Variants in TNRC6B observed in about 807,000 individuals in gnomAD.
TNRC6B encodes trinucleotide repeat containing adaptor 6B, also known as trinucleotide repeat-containing gene 6B protein.
A neutral mutation model predicts 203.6 loss-of-function variants in TNRC6B; 52 were observed. The ratio of observed to expected loss-of-function variants is 0.26; its 90% confidence interval spans 0.20 to 0.32. TNRC6B has a LOEUF of 0.32. Among genes scored for constraint, TNRC6B ranks in the 10% least tolerant of loss-of-function variants. The pLI, the probability that TNRC6B is intolerant of heterozygous loss-of-function variation, is 1.00. For synonymous variants in TNRC6B, 838 were observed against 845.7 expected, an observed-to-expected ratio of 0.99 and a Z score of 0.16; for missense variants, 1,923 against 2,286.2, an observed-to-expected ratio of 0.84 and a Z score of 3.24.
At chr22:40,147,906 T>C (rs942470115) in intron 3 of TNRC6B, among the ~76,000 whole-genome samples, 1 of 152,216 alleles carries the variant, frequency 6.6e-6, no homozygotes, top group African/African-American at 2.4e-5. Flanking sequence ...GTGACTGCTG[T>C]TACGTAAGTA....
intron 1 of TNRC6B, among the ~76,000 whole-genome samples, chr22:40,202,268 T>G (rs867378610): frequency 1.3e-5 from 2 of 151,742 alleles, no homozygotes; most frequent in Non-Finnish European, 2.9e-5. Context: ...TTGTTTTTTT[T>G]TTTTTTGCCT....
chr22:40,224,535 G>A (rs751470153), intron 1 of TNRC6B, among the ~76,000 whole-genome samples: 1 of 152,174 alleles, frequency 6.6e-6, no homozygotes, highest in Non-Finnish European at 1.5e-5. Flanking sequence ...AATGACCTTG[G>A]TGGATTCTAT....
chr22:40,133,034 C>T (rs1211826831), intron 3 of TNRC6B, among the ~76,000 whole-genome samples: 1 of 143,542 alleles, frequency 7.0e-6, no homozygotes, highest in East Asian at 2.0e-4. Flanking sequence ...GCTTCATTGG[C>T]CTGATTCCCG....
rs990259861 is a variant in TNRC6B at position 40,281,020 on chromosome 22, C to A, written c.3412-99C>A. On this transcript the variant is annotated intron_variant, in intron 10 of 22. Transcript: ENST00000454349. Reference sequence around the variant, plus strand: ...CTTGGTTATTGCTAATACACTCTAACTTTGTTTATTGCTAGTGTTTCTCTC... The same window carrying A: ...CTTGGTTATTGCTAATACACTCTAAATTTGTTTATTGCTAGTGTTTCTCTC... 9 of 1,054,458 alleles carry A rather than the reference C, an allele frequency of 8.5e-6. No individual in the cohort carries two copies. In the African/African-American group the frequency reaches 1.1e-4, roughly 13 times the overall value. The allele number at this position is 1,054,458 out of a possible 1,614,324, so 65.3% of individuals were successfully genotyped here.
chr22:40,307,408 G>T (rs550521555), intron 15 of TNRC6B, among the ~76,000 whole-genome samples: 1 of 152,074 alleles, frequency 6.6e-6, no homozygotes, highest in Non-Finnish European at 1.5e-5. Context: ...GCCGCTCTGC[G>T]CTCCCTGTGG....
chr22:40,054,106 A>AGTCTCAGGAGGCTGCCTGTAGT (rs2067773034), intron 1 of TNRC6B, among the ~76,000 whole-genome samples: 1 of 152,118 alleles, frequency 6.6e-6, no homozygotes, highest in Non-Finnish European at 1.5e-5. Flanking sequence ...AGTCCCAGCT[A>AGTCTCAGGAGGCTGCCTGTAGT]CTCAGGAGGC....
At chr22:40,121,221 T>TCCTC (rs56693127) in intron 2 of TNRC6B, among the ~76,000 whole-genome samples, 37 of 151,834 alleles carry the variant, frequency 2.4e-4, no homozygotes, top group Admixed American at 8.5e-4. Context: ...CTCCTTTCCC[T>TCCTC]CCTCCCTCCC....
chr22:40,197,566 C>T (rs978895797), intron 1 of TNRC6B, among the ~76,000 whole-genome samples: 28 of 151,598 alleles, frequency 1.8e-4, no homozygotes, highest in Non-Finnish European at 3.4e-4. Flanking sequence ...AGATTACAAG[C>T]ATGAGCCACC....
At chr22:40,222,891 G>A (rs1386164681) in intron 1 of TNRC6B, among the ~76,000 whole-genome samples, 2 of 150,978 alleles carry the variant, frequency 1.3e-5, no homozygotes, top group Non-Finnish European at 2.9e-5. Context: ...GACTACAGGC[G>A]TGCACCACCA....
At chr22:40,278,851 C>T (rs1429578215) in intron 9 of TNRC6B, among the ~76,000 whole-genome samples, 1 of 152,192 alleles carries the variant, frequency 6.6e-6, no homozygotes, top group Non-Finnish European at 1.5e-5. Context: ...GCGATTTTTC[C>T]CGCCTGAGTC....
In TNRC6B at chr22:40,225,742, C is replaced by CAAAAAAA. The variant is rs34769532; in HGVS notation, c.6-20254_6-20248dup. Among the ~76,000 whole-genome samples, 449 of 64,030 alleles carry CAAAAAAA rather than the reference C, an allele frequency of 7.0e-3. 6 individuals are homozygous for CAAAAAAA. Among genetic ancestry groups the CAAAAAAA allele is most frequent in the East Asian group, 0.024 (50 of 2,070 alleles). 42.0% of individuals were successfully genotyped at this position (64,030 alleles called of 152,430 possible). The stretch of plus-strand genomic sequence containing the variant: ...TGAGCGACAGAGTGAGACTCCGTCT[C>CAAAAAAA]AAAAAAAAAAAAAAAAAAAAAAAAA... On this transcript the variant is annotated intron_variant, in intron 1 of 22. Coordinates refer to ENST00000454349, the MANE Select transcript of TNRC6B (RefSeq NM_001162501.2).
intron 3 of TNRC6B, among the ~76,000 whole-genome samples, chr22:40,154,840 C>CAAAAAA (rs57206167): frequency 1.0e-4 from 3 of 29,236 alleles, no homozygotes; most frequent in African/African-American, 3.1e-4. Flanking sequence ...GACTCTATCT[C>CAAAAAA]AAAAAAAAAA....
chr22:40,089,986 G>GT (rs989520927), intron 1 of TNRC6B, among the ~76,000 whole-genome samples: 1 of 152,018 alleles, frequency 6.6e-6, no homozygotes, highest in Non-Finnish European at 1.5e-5. Context: ...GTATTTTAGG[G>GT]TTTTTTCACA....
chr22:40,260,760 T>G (rs1569042214), intron 3 of TNRC6B, among the ~76,000 whole-genome samples: 1 of 152,154 alleles, frequency 6.6e-6, no homozygotes, highest in Non-Finnish European at 1.5e-5. Context: ...CACTGTTGAT[T>G]TAGGGGAGTG....
At chr22:40,293,016 T>A (rs1206991260) in intron 12 of TNRC6B, among the ~76,000 whole-genome samples, 1 of 152,090 alleles carries the variant, frequency 6.6e-6, no homozygotes, top group Non-Finnish European at 1.5e-5. Flanking sequence ...TATTTTTACT[T>A]GTATTATTTC....
chr22:40,191,239 C>T (rs937697790), intron 1 of TNRC6B, among the ~76,000 whole-genome samples: 1 of 152,016 alleles, frequency 6.6e-6, no homozygotes, highest in Admixed American at 6.6e-5. Flanking sequence ...TTGTGTGCCC[C>T]AGTTTTCTCA....
chr22:40,071,137 T>G (rs190561565), intron 1 of TNRC6B, among the ~76,000 whole-genome samples: 7 of 152,324 alleles, frequency 4.6e-5, no homozygotes, highest in African/African-American at 1.4e-4. Flanking sequence ...TTTTTTCTGC[T>G]ACAGGATGTA....
intron 1 of TNRC6B, among the ~76,000 whole-genome samples, chr22:40,092,812 T>G (rs1397385947): frequency 6.6e-6 from 1 of 152,226 alleles, no homozygotes; most frequent in Non-Finnish European, 1.5e-5. Context: ...CCGCCATGCC[T>G]GGCTAAAAAC....
chr22:40,280,186 G>T, intron 10 of TNRC6B, 43 bp downstream of exon 10: 1 of 1,575,662 alleles, frequency 6.3e-7, no homozygotes. Flanking sequence ...CATGAGAACC[G>T]CTTTGGTTCC....
Sources: gnomAD v4.1 joint callset for allele counts (sites outside exome capture counted in the v4.1 genomes callset) on GRCh38, gnomAD v4.1.1 for gene constraint, MANE v1.5 for transcripts, NCBI Gene and HGNC (gene_info 2026-07-23, HGNC 2026-07-21) for gene names.